The following CYFIP1 variants were observed in gnomAD, a reference collection of about 807,000 sequenced individuals.
CYFIP1 encodes cytoplasmic FMR1-interacting protein 1.
Under a neutral mutation model 163.5 loss-of-function variants are expected in CYFIP1, and 58 were observed. That is an observed-to-expected ratio of 0.35 (90% CI 0.29 to 0.44). CYFIP1 has a LOEUF of 0.44. Among genes scored for constraint, CYFIP1 ranks in the 20% least tolerant of loss-of-function variants. The pLI is 1.00. For missense variants in CYFIP1, 1,338 were observed against 1,653.8 expected, an observed-to-expected ratio of 0.81 and a Z score of 3.31; for synonymous variants, 663 against 660.7, an observed-to-expected ratio of 1.00 and a Z score of -0.05.
At chr15:22,905,301 T>C (rs1382097778) in intron 21 of CYFIP1, 1 of 152,164 alleles carries the variant, frequency 6.6e-6, no homozygotes, top group African/African-American at 2.4e-5. Context: ...TTCTATTTTA[T>C]CAATATTTTC....
At chr15:22,934,916 A>C (rs1417256773) in intron 9 of CYFIP1, among the ~76,000 whole-genome samples, 1 of 152,208 alleles carries the variant, frequency 6.6e-6, no homozygotes. Context: ...CAAGACCTCT[A>C]AACAAAAGTA....
rs79854322 is a variant in CYFIP1 at position 22,907,751 on chromosome 15, G to T, written c.2388+1443C>A. On this transcript the variant is annotated intron_variant, in intron 21 of 30. Coordinates refer to ENST00000617928, the MANE Select transcript of CYFIP1 (RefSeq NM_014608.6). The stretch of plus-strand genomic sequence containing the variant: ...CACAGGCCGAGGGTCAGAGTTGGGG[G>T]GTGGTCAGGTGATCCACAGAGCTGT... Among the ~76,000 whole-genome samples the T allele has an allele frequency of 9.2e-3, 1,403 of 152,290 alleles. 26 individuals are homozygous for T. The highest frequency in any genetic ancestry group is 0.032 in the African/African-American group (1,320 of 41,558).
At chr15:22,926,164 T>C in intron 12 of CYFIP1, 57 bp from the exon 13 acceptor site, 2 of 1,608,586 alleles carry the variant, frequency 1.2e-6, no homozygotes, top group South Asian at 1.1e-5. Context: ...GCCTGGCTTC[T>C]GGTCTGACTC....
At chr15:22,936,008 A>C (rs1338067241) in intron 9 of CYFIP1, among the ~76,000 whole-genome samples, 1 of 152,218 alleles carries the variant, frequency 6.6e-6, no homozygotes, top group East Asian at 1.9e-4. Context: ...GCAGTGGCTC[A>C]GGCCTGTAAT....
intron 26 of CYFIP1, among the ~76,000 whole-genome samples, chr15:22,878,858 C>T (rs1392758891): frequency 6.6e-6 from 1 of 152,088 alleles, no homozygotes; most frequent in Non-Finnish European, 1.5e-5. Flanking sequence ...CAAAAGAGGC[C>T]GGGCGCAGTG....
chr15:22,875,180 T>G lies in CYFIP1; in HGVS notation c.3115+19A>C, dbSNP rs774998725. 1 of 1,612,778 alleles carries G rather than the reference T, an allele frequency of 6.2e-7. No homozygotes were observed. The highest frequency in any genetic ancestry group is 1.3e-5 in the African/African-American group (1 of 74,836). On this transcript the variant is annotated intron_variant, in intron 27 of 30. Transcript: ENST00000617928. ...ACAGAGGGCAGTCTGGACTCCCTGG[T>G]GGGGGTCAGCAGGCTCACCTTTCAC...
intron 3 of CYFIP1, chr15:22,946,605 T>C (rs57679002): frequency 0.011 from 3,707 of 344,844 alleles, 152 homozygotes; most frequent in African/African-American, 0.074. Flanking sequence ...CGCGCCACTG[T>C]ACTCCAGCCT....
chr15:22,949,367 G>A (rs1049079991), intron 1 of CYFIP1, among the ~76,000 whole-genome samples: 1 of 152,146 alleles, frequency 6.6e-6, no homozygotes, highest in African/African-American at 2.4e-5. Context: ...AGATGGGAAC[G>A]TGTCTTCCAG....
intron 23 of CYFIP1, among the ~76,000 whole-genome samples, chr15:22,891,150 C>T (rs928295931): frequency 1.3e-5 from 2 of 152,092 alleles, no homozygotes; most frequent in African/African-American, 4.8e-5. Flanking sequence ...GATGGCCAGG[C>T]GCAGTGGCTC....
At position 22,868,378 on chromosome 15, in the gene CYFIP1, T is replaced by C. The variant is rs1474897500; in HGVS notation, c.*1650A>G. 2.0e-5 allele frequency: 3 copies of C among 152,354 alleles called. No individual in the cohort carries two copies. The highest frequency in any genetic ancestry group is 3.8e-4 in the East Asian group (2 of 5,196). 9.4% of individuals were successfully genotyped at this position (152,354 alleles called of 1,614,324 possible). ...TAGGTTAATAAATAATAAATTCTTATTTAACATTTTGTAGCACTTGAGATT... is the reference window on the plus strand; with the variant it reads ...TAGGTTAATAAATAATAAATTCTTACTTAACATTTTGTAGCACTTGAGATT... On this transcript the variant is annotated 3_prime_UTR_variant, in exon 31 of 31. Transcript: ENST00000617928.
chr15:22,972,429 T>A (rs1302461961), intron 1 of CYFIP1, among the ~76,000 whole-genome samples: 2 of 152,048 alleles, frequency 1.3e-5, no homozygotes, highest in African/African-American at 4.8e-5. Context: ...AGAGTGAGAC[T>A]CCGTCTCAAA....
In CYFIP1 at chr15:22,867,434, T is replaced by C. The variant is rs1213142947; in HGVS notation, c.*2594A>G. On this transcript the variant is annotated 3_prime_UTR_variant, in exon 31 of 31. Transcript: ENST00000617928. ...CACCCCAAGGAACGATTTCTCAGGT[T>C]GAGATGATCACCGTGAATCCGGCTT... 5.5e-6 allele frequency: 2 copies of C among 365,054 alleles called. No individual in the cohort carries two copies. Among genetic ancestry groups the C allele is most frequent in the Non-Finnish European group, 4.8e-6 (1 of 206,372 alleles). 22.6% of individuals were successfully genotyped at this position (365,054 alleles called of 1,614,324 possible).
At chr15:22,893,725 TA>T (rs2060144225) in intron 22 of CYFIP1, among the ~76,000 whole-genome samples, 1 of 152,192 alleles carries the variant, frequency 6.6e-6, no homozygotes, top group Admixed American at 6.5e-5. Flanking sequence ...CCTGACCACC[TA>T]CCGCAGTACT....
intron 22 of CYFIP1, among the ~76,000 whole-genome samples, chr15:22,897,019 C>A (rs541323547): frequency 3.3e-5 from 5 of 152,208 alleles, no homozygotes; most frequent in Admixed American, 6.5e-5. Context: ...TTGAGACCAG[C>A]CTGGCCAACA....
At chr15:22,934,496 T>C (rs1347456010) in intron 9 of CYFIP1, among the ~76,000 whole-genome samples, 1 of 112,920 alleles carries the variant, frequency 8.9e-6, no homozygotes, top group Non-Finnish European at 1.8e-5. Context: ...TTTTTTTTTT[T>C]TTTTTTTTTT....
intron 6 of CYFIP1, among the ~76,000 whole-genome samples, chr15:22,941,951 G>C (rs1317985806): frequency 6.6e-6 from 1 of 152,190 alleles, no homozygotes; most frequent in African/African-American, 2.4e-5. Context: ...GGGCGGCTGG[G>C]ACCAGGAGCC....
chr15:22,922,159 G>A (rs1259797767), intron 13 of CYFIP1, among the ~76,000 whole-genome samples: 1 of 152,086 alleles, frequency 6.6e-6, no homozygotes, highest in Admixed American at 6.6e-5. Flanking sequence ...GGAGTGTCCT[G>A]CCTAGAGATT....
At chr15:22,971,211 T>C (rs2063083423) in intron 1 of CYFIP1, among the ~76,000 whole-genome samples, 1 of 152,174 alleles carries the variant, frequency 6.6e-6, no homozygotes. Flanking sequence ...TTGGCAATGA[T>C]TTCTTGGATA....
chr15:22,870,322 T>C (rs2059396151), intron 30 of CYFIP1, 130 bp from the exon 31 acceptor site: 4 of 1,072,488 alleles, frequency 3.7e-6, no homozygotes, highest in Non-Finnish European at 5.2e-6. Context: ...CATACTGTTC[T>C]TTTTGGGTTT....
Sources: gnomAD v4.1 joint callset for allele counts (sites outside exome capture counted in the v4.1 genomes callset) on GRCh38, gnomAD v4.1.1 for gene constraint, MANE v1.5 for transcripts, NCBI Gene and HGNC (gene_info 2026-07-23, HGNC 2026-07-21) for gene names.